KICS2: variants seen among roughly 807,000 people sequenced by gnomAD.
KICS2 encodes the protein KICSTOR subunit 2, also known as KICSTOR complex protein C12orf66.
Under a neutral mutation model 31.4 loss-of-function variants are expected in KICS2, and 13 were observed. The observed-to-expected ratio is 0.41, with a 90% CI of 0.27 to 0.66. The LOEUF is 0.66. KICS2 is among the 30% of genes least tolerant of loss of function. KICS2 has a pLI of 0.28. For synonymous variants in KICS2, 209 were observed against 214.8 expected (o/e 0.97, Z 0.24); for missense variants, 455 against 545.4 (o/e 0.83, Z 1.65).
intron 2 of KICS2, among the ~76,000 whole-genome samples, chr12:64,205,775 GGGAAGGAA>G (rs141568124): frequency 2.5e-5 from 1 of 39,542 alleles, no homozygotes; most frequent in Non-Finnish European, 6.1e-5. Context: ...GAAGGAAAAA[GGGAAGGAA>G]GGAAGGAAGG....
downstream of KICS2, among the ~76,000 whole-genome samples, chr12:64,190,778 A>G (rs867937784): frequency 2.0e-5 from 3 of 151,452 alleles, no homozygotes; most frequent in Non-Finnish European, 4.4e-5. Flanking sequence ...AGAAAAGAAA[A>G]GTATTTGGAC....
downstream of KICS2, chr12:64,187,418 C>A: frequency 1.8e-6 from 1 of 566,598 alleles, no homozygotes; most frequent in Non-Finnish European, 3.1e-6. Flanking sequence ...TTTACACATA[C>A]CCTACGGTTT....
intron 2 of KICS2, among the ~76,000 whole-genome samples, chr12:64,195,986 T>C (rs1592379599): frequency 6.6e-6 from 1 of 152,094 alleles, no homozygotes; most frequent in African/African-American, 2.4e-5. Context: ...AGCACAGCAG[T>C]CTGAGATCAA....
At chr12:64,217,960 T>A (rs921247191) in intron 1 of KICS2, among the ~76,000 whole-genome samples, 6 of 152,060 alleles carry the variant, frequency 3.9e-5, no homozygotes, top group African/African-American at 1.4e-4. Flanking sequence ...GAAAGTTAGT[T>A]TATGAATTTG....
intron 2 of KICS2, among the ~76,000 whole-genome samples, chr12:64,213,112 A>G (rs2037598920): frequency 6.6e-6 from 1 of 151,764 alleles, no homozygotes; most frequent in Non-Finnish European, 1.5e-5. Flanking sequence ...AAAAGAAAAG[A>G]AAAAGAAAGA....
At chr12:64,215,143 TAAA>T (rs35637675) in intron 2 of KICS2, among the ~76,000 whole-genome samples, 3 of 145,660 alleles carry the variant, frequency 2.1e-5, no homozygotes, top group Admixed American at 6.9e-5. Context: ...CCGTCTCTAC[TAAA>T]AAAAAAAAAA....
At chr12:64,190,796 TC>T (rs1486447043), downstream of KICS2, among the ~76,000 whole-genome samples, 1 of 151,948 alleles carries the variant, frequency 6.6e-6, no homozygotes, top group Non-Finnish European at 1.5e-5. Context: ...GACACATTTC[TC>T]CCAATATGTC....
downstream of KICS2, among the ~76,000 whole-genome samples, chr12:64,188,603 G>C (rs1029611602): frequency 5.3e-5 from 8 of 151,392 alleles, no homozygotes; most frequent in Non-Finnish European, 8.8e-5. Context: ...GAGAGGGAGA[G>C]GGAGAGGAAA....
In KICS2 at chr12:64,192,907, C is replaced by T; in HGVS notation, c.*935G>A. ...GCGCACAGTTGATTTTTAGCAAGTA[C>T]AGCGTATGAAGACCTTCATTTTGAT... On this transcript the variant is annotated 3_prime_UTR_variant, in exon 3 of 3. Transcript: ENST00000398055. 1 of 985,436 alleles carries T rather than the reference C, an allele frequency of 1.0e-6. No individual in the cohort carries two copies. Among genetic ancestry groups the T allele is most frequent in the Non-Finnish European group, 1.2e-6 (1 of 829,934 alleles). The allele number at this position is 985,436 out of a possible 1,614,324, so 61.0% of individuals were successfully genotyped here.
At chr12:64,220,678 TA>T (rs1203342734) in intron 1 of KICS2, among the ~76,000 whole-genome samples, 24 of 152,074 alleles carry the variant, frequency 1.6e-4, no homozygotes, top group African/African-American at 5.6e-4. Context: ...TTCACATATA[TA>T]AAAAACATAT....
chr12:64,215,916 T>C lies in KICS2; in HGVS notation c.283A>G (p.Thr95Ala), dbSNP rs1395603657. 1.2e-6 allele frequency: 2 copies of C among 1,613,958 alleles called. No individual in the cohort carries two copies. Among genetic ancestry groups the C allele is most frequent in the Non-Finnish European group, 1.7e-6 (2 of 1,179,978 alleles). The change falls in exon 2 of 3, where the codon ACT (threonine) becomes GCT (alanine). Residue 95 changes from threonine to alanine, a missense_variant. Thr to Ala is a moderately conservative substitution (Grantham distance 58, BLOSUM62 0). Transcript: ENST00000398055. ...TTCTTCAGCTCATTATGCAATGAAG[T>C]ATAGATGGTGCGGATGGAATCCTTC... ...SRKDSIRTIYTSLHNELKKVV... is the reference protein window; with the variant it reads ...SRKDSIRTIYASLHNELKKVV...
At chr12:64,206,233 T>G (rs768032626) in intron 2 of KICS2, among the ~76,000 whole-genome samples, 1 of 152,180 alleles carries the variant, frequency 6.6e-6, no homozygotes, top group Non-Finnish European at 1.5e-5. Flanking sequence ...ATGATAAATT[T>G]TTTTTTTCAC....
rs2037374907 is a variant in KICS2, at chr12:64,191,112, CAG to C, written c.*2728_*2729del. The C allele has an allele frequency of 6.6e-6, 1 of 152,200 alleles. No individual in the cohort carries two copies. The highest frequency in any genetic ancestry group is 1.5e-5 in the Non-Finnish European group (1 of 68,030). The allele number at this position is 152,200 out of a possible 1,614,324, so 9.4% of individuals were successfully genotyped here. Reference sequence around the variant, plus strand: ...ATTTACTCTTTTAATTAGCAAAACACAGACTTTACAGATCTCATTACTATATT... The same window carrying C: ...ATTTACTCTTTTAATTAGCAAAACACACTTTACAGATCTCATTACTATATT... On this transcript the variant is annotated 3_prime_UTR_variant, in exon 3 of 3. Coordinates refer to ENST00000398055, the MANE Select transcript of KICS2 (RefSeq NM_152440.5).
chr12:64,195,957 C>T (rs1393285179), intron 2 of KICS2, among the ~76,000 whole-genome samples: 5 of 150,912 alleles, frequency 3.3e-5, no homozygotes, highest in East Asian at 2.0e-4. Context: ...CCTATGCCCA[C>T]GGAATCTCGC....
intron 1 of KICS2, among the ~76,000 whole-genome samples, chr12:64,220,722 C>G (rs962582962): frequency 1.3e-5 from 2 of 152,008 alleles, no homozygotes; most frequent in African/African-American, 4.8e-5. Context: ...TTATAATTTT[C>G]ATACACATTT....
intron 2 of KICS2, among the ~76,000 whole-genome samples, chr12:64,214,477 T>C (rs2037610279): frequency 6.6e-6 from 1 of 152,194 alleles, no homozygotes; most frequent in Admixed American, 6.5e-5. Flanking sequence ...GAGAAAGAAT[T>C]GCAAGTACCA....
chr12:64,194,081 T>C lies in KICS2; in HGVS notation c.1099A>G (p.Ile367Val). ...AGATCAGATGTGCGGTCCGTCATGA[T>C]CATGATGACATTGGGCCAGTGCATG... Reference protein sequence around the residue: ...PVMHWPNVIMIMTDRTSDLNS... With the variant: ...PVMHWPNVIMVMTDRTSDLNS... Residue 367 changes from isoleucine to valine, a missense_variant, in exon 3 of 3, where the codon ATC (isoleucine) becomes GTC (valine). By Grantham distance (29) the Ile-to-Val change is conservative. Coordinates refer to ENST00000398055, the MANE Select transcript of KICS2 (RefSeq NM_152440.5). 1 of 1,614,172 alleles carries C rather than the reference T, an allele frequency of 6.2e-7. No homozygotes were observed. The highest frequency in any genetic ancestry group is 8.5e-7 in the Non-Finnish European group (1 of 1,180,040).
intron 2 of KICS2, among the ~76,000 whole-genome samples, chr12:64,195,615 G>A (rs1168892804): frequency 2.0e-5 from 3 of 152,186 alleles, no homozygotes; most frequent in Admixed American, 2.0e-4. Flanking sequence ...GGCCGAATAG[G>A]AACAGCTCCG....
intron 2 of KICS2, among the ~76,000 whole-genome samples, chr12:64,204,300 C>T (rs1313269322): frequency 6.6e-6 from 1 of 152,114 alleles, no homozygotes; most frequent in Non-Finnish European, 1.5e-5. Flanking sequence ...TGCAGCAAAC[C>T]ACCACGGCAC....
Sources: allele counts gnomAD v4.1 joint callset (sites outside exome capture counted in the v4.1 genomes callset), GRCh38; gene constraint gnomAD v4.1.1; transcripts MANE v1.5; gene names NCBI Gene and HGNC (gene_info 2026-07-23, HGNC 2026-07-21).